The following ATAD3A variants were observed in gnomAD, a reference collection of about 807,000 sequenced individuals.
ATAD3A encodes the protein ATPase family AAA domain containing 3A, also known as ATPase family AAA domain-containing protein 3A.
Under a neutral mutation model 73.8 loss-of-function variants are expected in ATAD3A, and 46 were observed. That is an observed-to-expected ratio of 0.62 (90% confidence interval 0.49 to 0.80). The LOEUF is 0.80. Ranked by LOEUF, ATAD3A falls within the 30% of genes least tolerant of loss-of-function variation. ATAD3A has a pLI of 0.00. For synonymous variants in ATAD3A, 319 were observed against 350.0 expected, an observed-to-expected ratio of 0.91 and a Z score of 0.99; for missense variants, 705 against 838.0, an observed-to-expected ratio of 0.84 and a Z score of 1.96.
chr1:1,532,534 C>A (rs1327604554), intron 15 of ATAD3A, among the ~76,000 whole-genome samples: 2 of 152,236 alleles, frequency 1.3e-5, no homozygotes, highest in Non-Finnish European at 2.9e-5. Context: ...TTGGACCCAC[C>A]TGTGACTGGG....
rs139662565 is a variant in ATAD3A at position 1,527,367 on chromosome 1, G to A, written c.1338-328G>A. On this transcript the variant is annotated intron_variant, in intron 13 of 15. Transcript: ENST00000378756. Reference sequence around the variant, plus strand: ...GGTCCTGCTCCTGGCACGTGTGGGCGACTTCTCGACATGGACTCCGGGTCC... The same window carrying A: ...GGTCCTGCTCCTGGCACGTGTGGGCAACTTCTCGACATGGACTCCGGGTCC... 96 of 1,064,138 alleles carry A rather than the reference G, an allele frequency of 9.0e-5. No homozygotes were observed. The African/African-American group carries it at 1.4e-3, about 15-fold the overall frequency. The allele number at this position is 1,064,138 out of a possible 1,614,324, so 65.9% of individuals were successfully genotyped here.
At chr1:1,518,386 C>G (rs1357583897) in intron 4 of ATAD3A, among the ~76,000 whole-genome samples, 1 of 149,094 alleles carries the variant, frequency 6.7e-6, no homozygotes, top group Admixed American at 6.7e-5. Context: ...GGCGCACACC[C>G]ACACACACAT....
In ATAD3A at chr1:1,527,554, G is replaced by C. The variant is rs147826506; in HGVS notation, c.1338-141G>C. The C allele has an allele frequency of 2.2e-5, 27 of 1,237,556 alleles. No homozygotes were observed. In the South Asian group the frequency reaches 3.6e-4, roughly 17 times the overall value. 76.7% of individuals were successfully genotyped at this position (1,237,556 alleles called of 1,614,324 possible). A position where few individuals can be genotyped will look rare whatever the true frequency, so the allele number is the denominator to read the frequency against. On this transcript the variant is annotated intron_variant, in intron 13 of 15. Transcript: ENST00000378756. ...GGGGACAGCTGGGTGCAGTGGGGCA[G>C]GTGGCCGACCAGGGCTGTGCCCGTG... is the stretch of plus-strand genomic sequence containing the variant.
chr1:1,529,294 C>T lies in ATAD3A; in HGVS notation c.1577C>T (p.Ser526Leu), dbSNP rs773606388. Residue 526 changes from serine to leucine, a missense_variant, in exon 15 of 16, where the codon TCG becomes TTG. This residue lies in a region of ATAD3A where 252 missense variants were observed against 278.5 expected (regional missense o/e 0.90). Transcript: ENST00000378756. ...SEVARLTEGM[S>L]GREIAQLAVS... ...GTCGCTCGGCTGACGGAGGGCATGT[C>T]GGGCCGGGAGATCGCTCAGCTGGCC... 2 of 1,604,902 alleles carry T rather than the reference C, an allele frequency of 1.2e-6. No individual in the cohort carries two copies. The highest frequency in any genetic ancestry group is 1.7e-6 in the Non-Finnish European group (2 of 1,176,632).
intron 4 of ATAD3A, among the ~76,000 whole-genome samples, chr1:1,518,666 T>TAC (rs113798902): frequency 0.02 from 814 of 41,206 alleles, 1 homozygote; most frequent in African/African-American, 0.047. Flanking sequence ...CCCGCACGGG[T>TAC]ACACACACAC....
intron 1 of ATAD3A, 42 bp from the exon 2 acceptor site, chr1:1,515,970 C>T (rs779762222): frequency 1.6e-4 from 265 of 1,611,172 alleles, no homozygotes; most frequent in Non-Finnish European, 2.1e-4. Context: ...CAGCGGCATC[C>T]GTGTATCCTA....
chr1:1,534,258 G>A lies in ATAD3A; in HGVS notation c.*186G>A. ...GCCCCCCAGGGCACCCCCTGTTGTA[G>A]GCACTGGCTAGGGAGGGGCAGGCCT... On this transcript the variant is annotated 3_prime_UTR_variant, in exon 16 of 16. Transcript: ENST00000378756. 1 of 1,477,010 alleles carries A rather than the reference G, an allele frequency of 6.8e-7. No individual in the cohort carries two copies. The highest frequency in any genetic ancestry group is 8.9e-7 in the Non-Finnish European group (1 of 1,121,254). The allele number at this position is 1,477,010 out of a possible 1,614,324, so 91.5% of individuals were successfully genotyped here. A position where few individuals can be genotyped will look rare whatever the true frequency, so the allele number is the denominator to read the frequency against.
chr1:1,525,718 A>C (rs1399877726), intron 12 of ATAD3A, among the ~76,000 whole-genome samples: 1 of 149,812 alleles, frequency 6.7e-6, no homozygotes, highest in Non-Finnish European at 1.5e-5. Context: ...CCAGCCTTTT[A>C]ATTATCATTC....
chr1:1,520,133 T>A lies in ATAD3A; in HGVS notation c.515-8T>A, dbSNP rs1466216805. On this transcript the variant is annotated splice_polypyrimidine_tract_variant and splice_region_variant and intron_variant, in intron 5 of 15. Transcript: ENST00000378756. This position sits in a 1 kb window ranked among gnomAD's most constrained non-coding sequence, Gnocchi z 4.0. Reference sequence around the variant, plus strand: ...ATGGTGCTGAGCTGCCCTGCCTCTCTGGGGCAGCCACCGTGGAGCGGGAGA... The same window carrying A: ...ATGGTGCTGAGCTGCCCTGCCTCTCAGGGGCAGCCACCGTGGAGCGGGAGA... 6.2e-7 allele frequency: 1 copy of A among 1,608,668 alleles called. No homozygotes were observed.
rs1468574012 is a variant in ATAD3A, at chr1:1,524,981, G to A, written c.1215-259G>A. Reference sequence around the variant, plus strand: ...CACCAGTGCTGCACTGGGCCGGGTGGGGGTGAAGCCTGTGGGGCGGAGTTC... The same window carrying A: ...CACCAGTGCTGCACTGGGCCGGGTGAGGGTGAAGCCTGTGGGGCGGAGTTC... On this transcript the variant is annotated intron_variant, in intron 11 of 15. Transcript: ENST00000378756. Among the ~76,000 whole-genome samples, 9 of 152,192 alleles carry A rather than the reference G, an allele frequency of 5.9e-5. No homozygotes were observed. In the East Asian group the frequency reaches 1.5e-3, roughly 26 times the overall value.
rs934155257 is a variant in ATAD3A at position 1,519,077 on chromosome 1, C to G, written c.514+87C>G. The G allele has an allele frequency of 3.7e-6, 6 of 1,608,222 alleles. No homozygotes were observed. In the African/African-American group the frequency reaches 8.0e-5, roughly 21 times the overall value. ...GCACTCTGAGCCTGAGTTCTGCCGCCCGGCCCCTCATAGCTACCAGTGCAG... is the reference window on the plus strand; with the variant it reads ...GCACTCTGAGCCTGAGTTCTGCCGCGCGGCCCCTCATAGCTACCAGTGCAG... On this transcript the variant is annotated intron_variant, in intron 5 of 15. Coordinates refer to ENST00000378756, the MANE Select transcript of ATAD3A (RefSeq NM_001170535.3).
intron 1 of ATAD3A, 181 bp downstream of exon 1, chr1:1,512,654 C>T (rs761068091): frequency 1.6e-5 from 22 of 1,381,718 alleles, no homozygotes; most frequent in Non-Finnish European, 2.1e-5. Flanking sequence ...CTTTCCGTCA[C>T]CCGTTTGCAC....
rs545112242 is a variant in ATAD3A at position 1,525,114 on chromosome 1, G to C, written c.1215-126G>C. The stretch of plus-strand genomic sequence containing the variant: ...TCTGTCGAGTCCAGGACTTAGGGCT[G>C]CTGATGGGGCAGAGCCTGACCCCGT... On this transcript the variant is annotated intron_variant, in intron 11 of 15. Transcript: ENST00000378756. 150 of 1,311,840 alleles carry C rather than the reference G, an allele frequency of 1.1e-4. 1 individual carries two copies. The highest frequency in any genetic ancestry group is 9.2e-4 in the African/African-American group (63 of 68,812). The allele number at this position is 1,311,840 out of a possible 1,614,324, so 81.3% of individuals were successfully genotyped here.
At chr1:1,529,463 G>T in intron 15 of ATAD3A, 132 bp downstream of exon 15, 1 of 1,458,272 alleles carries the variant, frequency 6.9e-7, no homozygotes, top group South Asian at 1.4e-5. Context: ...GCACAGAGGT[G>T]ACACAGGGCC....
chr1:1,527,935 T>A, intron 14 of ATAD3A, 73 bp downstream of exon 14: 47 of 1,304,444 alleles, frequency 3.6e-5, no homozygotes, highest in Non-Finnish European at 4.7e-5. Flanking sequence ...CAGTCCACCA[T>A]CACTTACAAA....
Position 1,516,215 on chromosome 1 carries a change from A to G in ATAD3A, c.282+127A>G, listed in dbSNP as rs576613525. 1,785 of 1,407,568 alleles carry G rather than the reference A, an allele frequency of 1.3e-3. 3 individuals carry two copies. The highest frequency in any genetic ancestry group is 1.6e-3 in the Non-Finnish European group (1,643 of 1,023,252). The allele number at this position is 1,407,568 out of a possible 1,614,324, so 87.2% of individuals were successfully genotyped here. On this transcript the variant is annotated intron_variant, in intron 2 of 15. Coordinates refer to ENST00000378756, the MANE Select transcript of ATAD3A (RefSeq NM_001170535.3). ...ATGGGCAGCAGTGGGGCCCAGGGCC[A>G]AGCTTGGGCGCCTCATTTCACAGAA...
intron 14 of ATAD3A, 84 bp from the exon 15 acceptor site, chr1:1,529,138 CG>C: frequency 6.4e-7 from 1 of 1,558,072 alleles, no homozygotes. Context: ...GCGTGGGTGT[CG>C]GCCTCGCTGC....
In ATAD3A at chr1:1,519,702, G is replaced by A. The variant is rs545619978; in HGVS notation, c.515-439G>A. Among the ~76,000 whole-genome samples the A allele has an allele frequency of 2.5e-4, 35 of 140,842 alleles. No homozygotes were observed. The South Asian group carries it at 7.9e-3, about 32-fold the overall frequency. The allele number at this position is 140,842 out of a possible 152,430, so 92.4% of individuals were successfully genotyped here. A position where few individuals can be genotyped will look rare whatever the true frequency, so the allele number is the denominator to read the frequency against. On this transcript the variant is annotated intron_variant, in intron 5 of 15. Coordinates refer to ENST00000378756, the MANE Select transcript of ATAD3A (RefSeq NM_001170535.3). ...AGTAGCCAGGCACGTGGCACGTCACGCGTGTCTGAGTTCTGACAGCTGTGT... is the reference window on the plus strand; with the variant it reads ...AGTAGCCAGGCACGTGGCACGTCACACGTGTCTGAGTTCTGACAGCTGTGT...
At chr1:1,513,390 C>G (rs1360244230) in intron 1 of ATAD3A, among the ~76,000 whole-genome samples, 1 of 151,430 alleles carries the variant, frequency 6.6e-6, no homozygotes, top group Non-Finnish European at 1.5e-5. Flanking sequence ...TGGTACAGGC[C>G]TGGTTGAGCA....
Sources: allele counts gnomAD v4.1 joint callset (sites outside exome capture counted in the v4.1 genomes callset), GRCh38; gene constraint gnomAD v4.1.1; regional missense constraint gnomAD v4.1.1; non-coding constraint Gnocchi (gnomAD v3.1); transcripts MANE v1.5; gene names NCBI Gene and HGNC (gene_info 2026-07-23, HGNC 2026-07-21).